The following PCDH9 variants were observed in gnomAD, a reference collection of about 807,000 sequenced individuals.
PCDH9 encodes protocadherin-9.
In PCDH9, 24 loss-of-function variants were observed where a neutral mutation model predicts 70.6. That is an observed-to-expected ratio of 0.34 (90% CI 0.25 to 0.48). The LOEUF (loss-of-function observed/expected upper bound fraction) is 0.48, where lower values mean the gene tolerates loss of function less well. Among genes scored for constraint, PCDH9 ranks in the 20% least tolerant of loss-of-function variants. PCDH9 has a pLI of 0.99. For synonymous variants in PCDH9, 562 were observed against 558.5 expected (o/e 1.01, Z -0.09); for missense variants, 1,281 against 1,503.6 (o/e 0.85, Z 2.45).
intron 4 of PCDH9, among the ~76,000 whole-genome samples, chr13:66,561,406 C>A (rs954865036): frequency 6.6e-6 from 1 of 152,186 alleles, no homozygotes; most frequent in Non-Finnish European, 1.5e-5. Flanking sequence ...CTGAGGAGTG[C>A]AGACACAAGG....
intron 3 of PCDH9, among the ~76,000 whole-genome samples, chr13:66,736,648 G>C (rs889033936): frequency 2.6e-5 from 4 of 152,188 alleles, no homozygotes; most frequent in Non-Finnish European, 5.9e-5. Flanking sequence ...CAGCACAATT[G>C]CTTGTTCAGG....
At chr13:67,007,841 G>A (rs2084382159) in intron 2 of PCDH9, among the ~76,000 whole-genome samples, 1 of 151,926 alleles carries the variant, frequency 6.6e-6, no homozygotes, top group Admixed American at 6.6e-5. Flanking sequence ...GAGTGGTTGG[G>A]GTATTCGTGA....
intron 3 of PCDH9, among the ~76,000 whole-genome samples, chr13:66,782,337 A>C (rs1594054572): frequency 6.6e-6 from 1 of 152,332 alleles, no homozygotes; most frequent in East Asian, 1.9e-4. Context: ...CTAAGAAAGC[A>C]AGAGAGAATG....
intron 4 of PCDH9, among the ~76,000 whole-genome samples, chr13:66,376,765 T>C (rs1336449730): frequency 6.6e-6 from 1 of 152,126 alleles, no homozygotes; most frequent in East Asian, 1.9e-4. Flanking sequence ...ATACTACTAT[T>C]AGGCAAGAAA....
At chr13:66,689,947 C>A (rs2078459302) in intron 3 of PCDH9, among the ~76,000 whole-genome samples, 1 of 152,106 alleles carries the variant, frequency 6.6e-6, no homozygotes, top group Non-Finnish European at 1.5e-5. Flanking sequence ...TAAGTATTAT[C>A]TTTTCAATTA....
intron 2 of PCDH9, among the ~76,000 whole-genome samples, chr13:66,975,094 T>C (rs1452583799): frequency 2.0e-5 from 3 of 152,036 alleles, no homozygotes; most frequent in South Asian, 2.1e-4. Flanking sequence ...AAAGTCCTTA[T>C]CTTCACCATG....
intron 2 of PCDH9, among the ~76,000 whole-genome samples, chr13:67,195,941 T>C (rs1254626002): frequency 1.3e-5 from 2 of 152,174 alleles, no homozygotes; most frequent in African/African-American, 4.8e-5. Flanking sequence ...CTAAACATTA[T>C]GGAATTTTAA....
chr13:66,313,557 A>T (rs3012113), intron 4 of PCDH9, among the ~76,000 whole-genome samples: 152,326 of 152,326 alleles, frequency 1, 76,163 homozygotes, highest in Non-Finnish European at 1. Flanking sequence ...GTGTTGCAAA[A>T]GCGAGCCTGA....
intron 4 of PCDH9, among the ~76,000 whole-genome samples, chr13:66,565,681 A>G (rs559614702): frequency 1.2e-3 from 181 of 152,332 alleles, no homozygotes; most frequent in Admixed American, 4.6e-3. Context: ...TCATTTTCTG[A>G]AAGAACACAC....
At chr13:66,384,332 CA>C (rs985996970) in intron 4 of PCDH9, among the ~76,000 whole-genome samples, 2 of 151,862 alleles carry the variant, frequency 1.3e-5, no homozygotes, top group African/African-American at 2.4e-5. Flanking sequence ...TTAGGGTTTA[CA>C]AAAAATTCAT....
At chr13:66,626,003 A>G (rs2077493732) in intron 4 of PCDH9, among the ~76,000 whole-genome samples, 1 of 152,148 alleles carries the variant, frequency 6.6e-6, no homozygotes, top group Admixed American at 6.5e-5. Flanking sequence ...GATGAGGATG[A>G]GATAGGATGG....
intron 2 of PCDH9, among the ~76,000 whole-genome samples, chr13:67,160,300 CTT>C (rs2087920519): frequency 6.6e-6 from 1 of 152,160 alleles, no homozygotes; most frequent in African/African-American, 2.4e-5. Context: ...AATCCCAACA[CTT>C]TGGGAGGCCG....
At chr13:66,431,794 A>G (rs972765262) in intron 4 of PCDH9, among the ~76,000 whole-genome samples, 5 of 152,042 alleles carry the variant, frequency 3.3e-5, no homozygotes, top group African/African-American at 4.8e-5. Flanking sequence ...AAGCTTTGCA[A>G]GAACACAGAT....
intron 4 of PCDH9, among the ~76,000 whole-genome samples, chr13:66,548,313 C>T (rs1158144529): frequency 6.6e-6 from 1 of 151,682 alleles, no homozygotes; most frequent in East Asian, 1.9e-4. Flanking sequence ...ACCTGTAATC[C>T]CAGCACTTTG....
At chr13:66,911,745 T>C (rs1371131412) in intron 2 of PCDH9, among the ~76,000 whole-genome samples, 2 of 152,212 alleles carry the variant, frequency 1.3e-5, no homozygotes, top group African/African-American at 4.8e-5. Flanking sequence ...TTATATTGCT[T>C]GAGCAAAGCT....
chr13:66,932,472 C>A (rs1426860403), intron 2 of PCDH9, among the ~76,000 whole-genome samples: 2 of 151,590 alleles, frequency 1.3e-5, no homozygotes. Context: ...CAAATAAAAC[C>A]AAATAGAAGA....
intron 2 of PCDH9, among the ~76,000 whole-genome samples, chr13:67,027,471 G>A (rs2084808977): frequency 1.3e-5 from 2 of 152,260 alleles, no homozygotes; most frequent in South Asian, 4.1e-4. Flanking sequence ...AACCCTAGAA[G>A]AAAACCTAGG....
intron 4 of PCDH9, among the ~76,000 whole-genome samples, chr13:66,457,222 C>G (rs1471468682): frequency 6.6e-6 from 1 of 152,054 alleles, no homozygotes; most frequent in Admixed American, 6.6e-5. Context: ...CTCATTATGG[C>G]ATATTCATAT....
intron 3 of PCDH9, among the ~76,000 whole-genome samples, chr13:66,730,890 TG>T (rs1366576969): frequency 0.34 from 19,720 of 58,804 alleles, 2,765 homozygotes; most frequent in East Asian, 0.47. Flanking sequence ...TTTTTTTGTT[TG>T]TTTCTTTTTT....
Sources: gnomAD v4.1 joint callset for allele counts (sites outside exome capture counted in the v4.1 genomes callset) on GRCh38, gnomAD v4.1.1 for gene constraint, MANE v1.5 for transcripts, NCBI Gene and HGNC (gene_info 2026-07-23, HGNC 2026-07-21) for gene names.